Variants in CCNY observed in about 807,000 individuals in gnomAD.
CCNY encodes the protein cyclin-Y.
CCNY carries 19 observed loss-of-function variants against 42.8 expected under a neutral mutation model. That is an observed-to-expected ratio of 0.44 (90% confidence interval 0.31 to 0.65). The LOEUF is 0.65. Ranked by LOEUF, CCNY falls within the 30% of genes least tolerant of loss-of-function variation. The pLI, the probability that CCNY is intolerant of heterozygous loss-of-function variation, is 0.07. For synonymous variants in CCNY, 165 were observed against 162.7 expected (o/e 1.01, Z -0.11); for missense variants, 370 against 437.3 (o/e 0.85, Z 1.37).
intron 3 of CCNY, among the ~76,000 whole-genome samples, chr10:35,258,536 C>T (rs1012703474): frequency 6.6e-6 from 1 of 152,142 alleles, no homozygotes; most frequent in African/African-American, 2.4e-5. Flanking sequence ...TTCTTTTTGC[C>T]TCTGTAATCA....
chr10:35,482,802 TA>T (rs1839702251), intron 1 of CCNY, among the ~76,000 whole-genome samples: 1 of 102,652 alleles, frequency 9.7e-6, no homozygotes, highest in Admixed American at 1.0e-4. Context: ...GTGTGTGTGT[TA>T]TGTGTTTGAA....
chr10:35,385,588 C>T (rs987069783), intron 1 of CCNY, among the ~76,000 whole-genome samples: 1 of 152,186 alleles, frequency 6.6e-6, no homozygotes, highest in Non-Finnish European at 1.5e-5. Context: ...ACTGTATACT[C>T]CCAGAAGCAA....
intron 1 of CCNY, 129 bp downstream of exon 1, chr10:35,337,336 C>T (rs911769635): frequency 1.0e-6 from 1 of 1,002,866 alleles, no homozygotes; most frequent in African/African-American, 1.7e-5. Context: ...GGGCTTCGCC[C>T]GCGCAGCCTA....
intron 2 of CCNY, among the ~76,000 whole-genome samples, chr10:35,492,071 G>A (rs1255305598): frequency 1.6e-4 from 24 of 152,024 alleles, no homozygotes; most frequent in Admixed American, 1.6e-3. Flanking sequence ...TCCTCACCCA[G>A]TCTGTGGCGA....
rs555806214 is a variant in CCNY, at chr10:35,419,287, G to A, written c.155-64117G>A. Among the ~76,000 whole-genome samples the A allele has an allele frequency of 2.0e-5, 3 of 152,266 alleles. No homozygotes were observed. The South Asian group carries it at 6.2e-4, about 32-fold the overall frequency. On this transcript the variant is annotated intron_variant, in intron 1 of 9. Coordinates refer to ENST00000374704, the MANE Select transcript of CCNY (RefSeq NM_145012.6). Reference sequence around the variant, plus strand: ...TTTATTGTGAAGCATCTCTAATGTGGTTTGATGTGAAGGAATTTGGGCTTA... The same window carrying A: ...TTTATTGTGAAGCATCTCTAATGTGATTTGATGTGAAGGAATTTGGGCTTA...
At chr10:35,459,950 A>G (rs1479262525) in intron 1 of CCNY, among the ~76,000 whole-genome samples, 1 of 152,226 alleles carries the variant, frequency 6.6e-6, no homozygotes, top group African/African-American at 2.4e-5. Flanking sequence ...AGGGAAAAAA[A>G]GGATTACTGG....
At chr10:35,399,063 G>A (rs1321224254) in intron 1 of CCNY, among the ~76,000 whole-genome samples, 3 of 152,214 alleles carry the variant, frequency 2.0e-5, no homozygotes, top group Non-Finnish European at 4.4e-5. Context: ...CCAAGCAAAT[G>A]TACAAATGAA....
chr10:35,374,295 G>T (rs916328406), intron 1 of CCNY, among the ~76,000 whole-genome samples: 1 of 152,078 alleles, frequency 6.6e-6, no homozygotes, highest in Non-Finnish European at 1.5e-5. Flanking sequence ...TAATACATTT[G>T]ACATTGTTTC....
intron 1 of CCNY, among the ~76,000 whole-genome samples, chr10:35,372,734 T>C (rs1446941789): frequency 6.6e-6 from 1 of 152,218 alleles, no homozygotes; most frequent in Non-Finnish European, 1.5e-5. Context: ...AGTTTCACTC[T>C]TGTTGCCCAG....
At chr10:35,314,605 T>C (rs1350568422) in intron 3 of CCNY, 3 of 152,138 alleles carry the variant, frequency 2.0e-5, no homozygotes, top group Admixed American at 1.3e-4. Context: ...TATCATAACC[T>C]TTTCTTGTAT....
At chr10:35,402,077 A>G (rs953477836) in intron 1 of CCNY, among the ~76,000 whole-genome samples, 4 of 152,064 alleles carry the variant, frequency 2.6e-5, no homozygotes, top group Admixed American at 6.6e-5. Flanking sequence ...TGGGGTGGCA[A>G]AAATTTTTGG....
intron 1 of CCNY, among the ~76,000 whole-genome samples, chr10:35,474,119 T>C (rs1839450666): frequency 6.6e-6 from 1 of 152,186 alleles, no homozygotes; most frequent in Non-Finnish European, 1.5e-5. Context: ...CACGAGATTA[T>C]ATCCCGCACC....
At position 35,459,074 on chromosome 10, in the gene CCNY, C is replaced by T. The variant is rs191449148; in HGVS notation, c.155-24330C>T. 1.1e-3 allele frequency among the ~76,000 whole-genome samples: 169 copies of T among 152,118 alleles called. 1 individual carries two copies. The highest frequency in any genetic ancestry group is 3.6e-3 in the African/African-American group (149 of 41,472). ...TGCTTAGCATGTGGAGGGAAGCCCACGTCATATTTTGTAAAAAAGCTTATT... is the reference window on the plus strand; with the variant it reads ...TGCTTAGCATGTGGAGGGAAGCCCATGTCATATTTTGTAAAAAAGCTTATT... On this transcript the variant is annotated intron_variant, in intron 1 of 9. Coordinates refer to ENST00000374704, the MANE Select transcript of CCNY (RefSeq NM_145012.6).
rs181005698 is a variant in CCNY, at chr10:35,479,995, T to C, written c.155-3409T>C. 2.3e-3 allele frequency among the ~76,000 whole-genome samples: 337 copies of C among 144,576 alleles called. 1 individual carries two copies. Among genetic ancestry groups the C allele is most frequent in the African/African-American group, 7.4e-3 (293 of 39,734 alleles). 94.8% of individuals were successfully genotyped at this position (144,576 alleles called of 152,430 possible). ...CTTCTGAGAATGGTGGCTTTTCCCC[T>C]TTTTTTTTTTGTTCCCCAAGGAGGT... On this transcript the variant is annotated intron_variant, in intron 1 of 9. Transcript: ENST00000374704.
At chr10:35,367,107 C>G (rs1424467576) in intron 1 of CCNY, among the ~76,000 whole-genome samples, 2 of 152,052 alleles carry the variant, frequency 1.3e-5, no homozygotes, top group African/African-American at 4.8e-5. Context: ...TTTGGGTTGC[C>G]TTTTTTGAGA....
chr10:35,534,704 A>T (rs1413984541), intron 7 of CCNY, among the ~76,000 whole-genome samples: 1 of 151,790 alleles, frequency 6.6e-6, no homozygotes, highest in Non-Finnish European at 1.5e-5. Context: ...TATTCCCTTC[A>T]CCCCATAGAG....
chr10:35,286,555 C>T (rs1157369572), intron 3 of CCNY, among the ~76,000 whole-genome samples: 5 of 151,518 alleles, frequency 3.3e-5, no homozygotes, highest in Non-Finnish European at 4.4e-5. Flanking sequence ...GACAGGGTTT[C>T]GCCATGTTGG....
chr10:35,353,352 G>T (rs1391923465), intron 1 of CCNY, among the ~76,000 whole-genome samples: 1 of 152,174 alleles, frequency 6.6e-6, no homozygotes, highest in Non-Finnish European at 1.5e-5. Context: ...CACAATGATG[G>T]ATGTGTACTG....
intron 7 of CCNY, among the ~76,000 whole-genome samples, chr10:35,540,431 G>T (rs534670674): frequency 6.6e-6 from 1 of 152,080 alleles, no homozygotes; most frequent in African/African-American, 2.4e-5. Context: ...TTTATATGTC[G>T]CTGGACTCAG....
Sources: gnomAD v4.1 joint callset for allele counts (sites outside exome capture counted in the v4.1 genomes callset) on GRCh38, gnomAD v4.1.1 for gene constraint, MANE v1.5 for transcripts, NCBI Gene and HGNC (gene_info 2026-07-23, HGNC 2026-07-21) for gene names.